ROBO1: variants seen among roughly 807,000 people sequenced by gnomAD.
ROBO1 encodes the protein roundabout guidance receptor 1, also known as roundabout homolog 1.
In ROBO1, 149 loss-of-function variants were observed where a neutral mutation model predicts 195.9. The ratio of observed to expected loss-of-function variants is 0.76; its 90% confidence interval spans 0.67 to 0.87. The LOEUF (loss-of-function observed/expected upper bound fraction) is 0.87, where lower values mean the gene tolerates loss of function less well. Ranked by LOEUF, ROBO1 falls within the 40% of genes least tolerant of loss-of-function variation. The pLI is 0.00. For missense variants in ROBO1, 1,933 were observed against 2,068.3 expected, an observed-to-expected ratio of 0.93 and a Z score of 1.27; for synonymous variants, 816 against 733.2, an observed-to-expected ratio of 1.11 and a Z score of -1.82.
chr3:79,652,736 A>C (rs527286467), intron 1 of ROBO1, among the ~76,000 whole-genome samples: 1 of 152,158 alleles, frequency 6.6e-6, no homozygotes, highest in African/African-American at 2.4e-5. Flanking sequence ...AGTATTTGCT[A>C]TTGTTTTAAT....
At chr3:79,469,700 C>T (rs149978600) in intron 2 of ROBO1, among the ~76,000 whole-genome samples, 1,936 of 152,254 alleles carry the variant, frequency 0.013, 18 homozygotes, top group Non-Finnish European at 0.021. Flanking sequence ...TAACATACAA[C>T]CAACACTAAG....
At chr3:79,275,176 A>T (rs536707108) in intron 2 of ROBO1, among the ~76,000 whole-genome samples, 1 of 152,120 alleles carries the variant, frequency 6.6e-6, no homozygotes, top group African/African-American at 2.4e-5. Flanking sequence ...AAGACACATA[A>T]GAAAATACAA....
intron 2 of ROBO1, among the ~76,000 whole-genome samples, chr3:79,220,186 G>A (rs2082113126): frequency 6.6e-6 from 1 of 151,898 alleles, no homozygotes; most frequent in South Asian, 2.1e-4. Flanking sequence ...TATTATTGTA[G>A]GTATTTATTC....
At chr3:79,743,080 A>C (rs747524826) in intron 1 of ROBO1, among the ~76,000 whole-genome samples, 44 of 152,212 alleles carry the variant, frequency 2.9e-4, no homozygotes, top group Non-Finnish European at 4.6e-4. Flanking sequence ...CATCCATCCA[A>C]CCATGACTTT....
chr3:78,822,534 G>T (rs1228767438), intron 4 of ROBO1, among the ~76,000 whole-genome samples: 1 of 152,150 alleles, frequency 6.6e-6, no homozygotes, highest in East Asian at 1.9e-4. Context: ...TCTGGTGGAT[G>T]AATTCTACAC....
chr3:79,047,487 G>T (rs2078616114), intron 3 of ROBO1, among the ~76,000 whole-genome samples: 1 of 152,068 alleles, frequency 6.6e-6, no homozygotes, highest in Admixed American at 6.6e-5. Context: ...ATAAGGAAAA[G>T]GTAGTCTGGA....
At chr3:79,762,633 A>ACACACACACACACAC (rs56727083) in intron 1 of ROBO1, among the ~76,000 whole-genome samples, 4 of 31,284 alleles carry the variant, frequency 1.3e-4, no homozygotes, top group Non-Finnish European at 1.7e-4. Context: ...CACACACACA[A>ACACACACACACACAC]AAGCCGAGAG....
intron 3 of ROBO1, among the ~76,000 whole-genome samples, chr3:78,959,250 A>T (rs1576469614): frequency 6.6e-6 from 1 of 151,956 alleles, no homozygotes; most frequent in East Asian, 1.9e-4. Context: ...ATTACAACCA[A>T]ATTTAAAAAC....
chr3:79,721,785 C>G (rs977925414), intron 1 of ROBO1, among the ~76,000 whole-genome samples: 1 of 152,160 alleles, frequency 6.6e-6, no homozygotes, highest in African/African-American at 2.4e-5. Flanking sequence ...GGAAGACTAA[C>G]ATGATGAATC....
At chr3:79,391,254 C>A (rs1301617175) in intron 2 of ROBO1, among the ~76,000 whole-genome samples, 4 of 152,014 alleles carry the variant, frequency 2.6e-5, no homozygotes, top group African/African-American at 9.7e-5. Flanking sequence ...GATCATACCA[C>A]TACACTCCAG....
chr3:79,337,333 G>C (rs188451128), intron 2 of ROBO1, among the ~76,000 whole-genome samples: 31 of 152,214 alleles, frequency 2.0e-4, no homozygotes, highest in African/African-American at 7.5e-4. Context: ...ATGTGTCAAG[G>C]GTGGGACGAA....
At chr3:79,626,345 G>C (rs1248579571) in intron 1 of ROBO1, among the ~76,000 whole-genome samples, 2 of 152,072 alleles carry the variant, frequency 1.3e-5, no homozygotes, top group Non-Finnish European at 2.9e-5. Flanking sequence ...GCCGAGGCAG[G>C]AATATCACTT....
intron 4 of ROBO1, among the ~76,000 whole-genome samples, chr3:78,784,202 T>C (rs2083762998): frequency 6.6e-6 from 1 of 152,144 alleles, no homozygotes; most frequent in Non-Finnish European, 1.5e-5. Context: ...GAGGCTGAGA[T>C]TGTATTCACA....
chr3:79,737,919 A>G (rs1703455504), intron 1 of ROBO1, among the ~76,000 whole-genome samples: 1 of 152,104 alleles, frequency 6.6e-6, no homozygotes, highest in South Asian at 2.1e-4. Context: ...TTCACCACCT[A>G]TCTTCACATC....
chr3:78,609,534 C>T (rs138077031), intron 28 of ROBO1, among the ~76,000 whole-genome samples: 8 of 152,250 alleles, frequency 5.3e-5, no homozygotes, highest in Non-Finnish European at 7.4e-5. Flanking sequence ...GAATGGATTG[C>T]GCTTTTTTCA....
intron 2 of ROBO1, among the ~76,000 whole-genome samples, chr3:79,234,769 T>C (rs2082378981): frequency 6.6e-6 from 1 of 151,944 alleles, no homozygotes; most frequent in Admixed American, 6.6e-5. Context: ...GAACTAAACA[T>C]TGGGTACTCA....
chr3:79,121,991 T>C (rs1004042133), intron 3 of ROBO1, among the ~76,000 whole-genome samples: 41 of 152,094 alleles, frequency 2.7e-4, no homozygotes, highest in African/African-American at 9.9e-4. Flanking sequence ...ATTATACGTA[T>C]ATTTCAGAAA....
intron 1 of ROBO1, among the ~76,000 whole-genome samples, chr3:79,683,614 A>T (rs1210779065): frequency 6.6e-6 from 1 of 151,992 alleles, no homozygotes; most frequent in African/African-American, 2.4e-5. Context: ...ATTTCCCCTC[A>T]TCTCCAGCTC....
rs1328697305 is a variant in ROBO1, at chr3:79,566,558, G to C, written c.88+23266C>G. On this transcript the variant is annotated intron_variant, in intron 2 of 30. Coordinates refer to ENST00000464233, the MANE Select transcript of ROBO1 (RefSeq NM_002941.4). ...TATTGGTGCAAATAAGTGTTTAGAT[G>C]GCACAAAACCAGAGAGGGGGGATCC... is the stretch of plus-strand genomic sequence containing the variant. Among the ~76,000 whole-genome samples, 3 of 152,140 alleles carry C rather than the reference G, an allele frequency of 2.0e-5. No homozygotes were observed. The East Asian group carries it at 5.8e-4, about 29-fold the overall frequency.
Sources: gnomAD v4.1 joint callset for allele counts (sites outside exome capture counted in the v4.1 genomes callset) on GRCh38, gnomAD v4.1.1 for gene constraint, MANE v1.5 for transcripts, NCBI Gene and HGNC (gene_info 2026-07-23, HGNC 2026-07-21) for gene names.